Variants in CSMD1 observed in about 807,000 individuals in gnomAD.
CSMD1 encodes CUB and Sushi multiple domains 1, also known as CUB and sushi domain-containing protein 1.
A neutral mutation model predicts 417.5 loss-of-function variants in CSMD1; 213 were observed. The observed-to-expected ratio is 0.51, with a 90% CI of 0.46 to 0.57. The LOEUF is 0.57. CSMD1 is among the 20% of genes least tolerant of loss of function. The probability of loss-of-function intolerance (pLI) is 0.00; values close to 1 mark genes in which losing one functional copy is unlikely to be tolerated. For synonymous variants in CSMD1, 2,862 were observed against 1,736.8 expected, an observed-to-expected ratio of 1.65 and a Z score of -16.11; for missense variants, 6,923 against 4,529.7, an observed-to-expected ratio of 1.53 and a Z score of -15.17.
intron 2 of CSMD1, among the ~76,000 whole-genome samples, chr8:4,617,099 A>G (rs1422781026): frequency 6.6e-6 from 1 of 152,116 alleles, no homozygotes; most frequent in Non-Finnish European, 1.5e-5. Flanking sequence ...TTTTTTCAAA[A>G]TGTTTTTGAA....
chr8:4,793,749 G>C (rs138455008), intron 1 of CSMD1, among the ~76,000 whole-genome samples: 2 of 150,666 alleles, frequency 1.3e-5, no homozygotes, highest in Admixed American at 6.6e-5. Flanking sequence ...TTGGGATGTG[G>C]ACATTCGTTT....
At chr8:3,790,817 C>T (rs1585003073) in intron 5 of CSMD1, among the ~76,000 whole-genome samples, 1 of 152,102 alleles carries the variant, frequency 6.6e-6, no homozygotes, top group East Asian at 1.9e-4. Context: ...ATAATGGGAC[C>T]TGGAGATGTC....
intron 5 of CSMD1, among the ~76,000 whole-genome samples, chr8:3,840,224 T>TC (rs1803035215): frequency 6.6e-6 from 1 of 151,878 alleles, no homozygotes; most frequent in Non-Finnish European, 1.5e-5. Context: ...TTTGAACCTT[T>TC]GAAAAAAAAA....
At chr8:3,624,246 T>G (rs1211642373) in intron 7 of CSMD1, among the ~76,000 whole-genome samples, 2 of 152,266 alleles carry the variant, frequency 1.3e-5, no homozygotes, top group East Asian at 3.9e-4. Flanking sequence ...CCACGAGTCT[T>G]TAGTCCAAAC....
chr8:4,625,864 C>T (rs1316179181), intron 2 of CSMD1, among the ~76,000 whole-genome samples: 1 of 152,042 alleles, frequency 6.6e-6, no homozygotes, highest in Admixed American at 6.6e-5. Context: ...GCAGGGACTA[C>T]AGGTACACAC....
chr8:3,440,506 G>A (rs567065917), intron 12 of CSMD1, among the ~76,000 whole-genome samples: 1 of 152,318 alleles, frequency 6.6e-6, no homozygotes, highest in African/African-American at 2.4e-5. Flanking sequence ...TGTATCCTGT[G>A]AAGTCACCAA....
intron 1 of CSMD1, among the ~76,000 whole-genome samples, chr8:4,753,413 AC>A (rs1563296651): frequency 2.1e-5 from 1 of 48,204 alleles, no homozygotes; most frequent in Non-Finnish European, 5.1e-5. Flanking sequence ...CCACACACAC[AC>A]ACACACACAC....
chr8:3,296,978 G>C (rs565291682), intron 25 of CSMD1, among the ~76,000 whole-genome samples: 22 of 152,148 alleles, frequency 1.4e-4, no homozygotes, highest in African/African-American at 2.2e-4. Context: ...CAAAGAAATA[G>C]TTTATAAACT....
intron 5 of CSMD1, among the ~76,000 whole-genome samples, chr8:3,796,455 AGATATCTATCATGTATATAGATATC>A (rs1800152261): frequency 1.4e-5 from 2 of 139,028 alleles, no homozygotes; most frequent in African/African-American, 5.2e-5. Context: ...GTATAGATAT[AGATATCTATCATGTATATAGATATC>A]TATCTATCAT....
intron 1 of CSMD1, among the ~76,000 whole-genome samples, chr8:4,742,544 A>T (rs1005486984): frequency 3.3e-5 from 5 of 152,076 alleles, no homozygotes; most frequent in African/African-American, 1.2e-4. Flanking sequence ...TATTTAAATT[A>T]AAAATCTGAG....
intron 10 of CSMD1, among the ~76,000 whole-genome samples, chr8:3,573,120 G>C (rs1800010510): frequency 1.3e-5 from 2 of 151,966 alleles, no homozygotes; most frequent in East Asian, 1.9e-4. Context: ...TCTTATGCTT[G>C]TTTCTGTTAC....
chr8:4,024,726 C>T (rs1796973522), intron 4 of CSMD1, among the ~76,000 whole-genome samples: 1 of 152,116 alleles, frequency 6.6e-6, no homozygotes, highest in African/African-American at 2.4e-5. Context: ...TGGAGTTGCA[C>T]ATAGGAGCTA....
At chr8:4,637,731 C>T (rs1167581312) in intron 1 of CSMD1, among the ~76,000 whole-genome samples, 173 bp from the exon 2 acceptor site, 1 of 138,140 alleles carries the variant, frequency 7.2e-6, no homozygotes, top group Admixed American at 8.4e-5. Context: ...ACTGCAGTGG[C>T]GCGATCTCAG....
intron 5 of CSMD1, among the ~76,000 whole-genome samples, chr8:3,891,584 G>A (rs575496693): frequency 9.2e-4 from 140 of 152,200 alleles, no homozygotes; most frequent in African/African-American, 3.3e-3. Context: ...TTGGGAGGCT[G>A]AGATGCGAGG....
intron 2 of CSMD1, among the ~76,000 whole-genome samples, chr8:4,502,435 G>C (rs1158904135): frequency 6.6e-6 from 1 of 152,124 alleles, no homozygotes; most frequent in African/African-American, 2.4e-5. Flanking sequence ...CCCTTTGTCA[G>C]TGATTATAGC....
intron 7 of CSMD1, among the ~76,000 whole-genome samples, chr8:3,641,149 T>C (rs1283247839): frequency 6.6e-6 from 1 of 151,392 alleles, no homozygotes; most frequent in Non-Finnish European, 1.5e-5. Flanking sequence ...AGACCGGTTC[T>C]CTGAATCTGC....
intron 2 of CSMD1, among the ~76,000 whole-genome samples, chr8:4,632,281 G>A (rs550054162): frequency 1.3e-5 from 2 of 152,252 alleles, no homozygotes; most frequent in South Asian, 2.1e-4. Flanking sequence ...GGGAGGCCGA[G>A]GTGGGCAGAT....
intron 6 of CSMD1, among the ~76,000 whole-genome samples, chr8:3,741,629 T>C (rs935145365): frequency 6.6e-6 from 1 of 152,250 alleles, no homozygotes; most frequent in Non-Finnish European, 1.5e-5. Context: ...TGCAGACAGA[T>C]AACTTCTAGC....
chr8:4,444,668 T>A (rs998010712), intron 2 of CSMD1, among the ~76,000 whole-genome samples: 1 of 152,188 alleles, frequency 6.6e-6, no homozygotes, highest in Non-Finnish European at 1.5e-5. Flanking sequence ...GTAATTGTGA[T>A]GACATGTTGA....
Sources: gnomAD v4.1 joint callset for allele counts (sites outside exome capture counted in the v4.1 genomes callset) on GRCh38, gnomAD v4.1.1 for gene constraint, MANE v1.5 for transcripts, NCBI Gene and HGNC (gene_info 2026-07-23, HGNC 2026-07-21) for gene names.